TMEM50A: variants seen among roughly 807,000 people sequenced by gnomAD.
TMEM50A encodes cervical cancer oncogene 9.
In TMEM50A, 8 loss-of-function variants were observed where a neutral mutation model predicts 23.9. That is an observed-to-expected ratio of 0.33 (90% CI 0.20 to 0.60). The LOEUF (loss-of-function observed/expected upper bound fraction) is 0.60, where lower values mean the gene tolerates loss of function less well. Ranked by LOEUF, TMEM50A falls within the 20% of genes least tolerant of loss-of-function variation. The pLI is 0.81. For synonymous variants in TMEM50A, 55 were observed against 60.4 expected, an observed-to-expected ratio of 0.91 and a Z score of 0.41; for missense variants, 178 against 192.7, an observed-to-expected ratio of 0.92 and a Z score of 0.45.
At chr1:25,349,953 G>A (rs1042027438) in intron 3 of TMEM50A, among the ~76,000 whole-genome samples, 1 of 152,296 alleles carries the variant, frequency 6.6e-6, no homozygotes, top group African/African-American at 2.4e-5. Context: ...TATTGTGAAC[G>A]TTTTCCCATG....
At chr1:25,345,835 T>C (rs776439792) in intron 3 of TMEM50A, among the ~76,000 whole-genome samples, 1 of 151,870 alleles carries the variant, frequency 6.6e-6, no homozygotes. Flanking sequence ...TCGCCCAGGC[T>C]GGAGTGCAAT....
intron 4 of TMEM50A, 89 bp downstream of exon 4, chr1:25,351,782 T>A: frequency 8.6e-7 from 1 of 1,168,272 alleles, no homozygotes; most frequent in Non-Finnish European, 1.2e-6. Flanking sequence ...CTATTTGTTT[T>A]AATATATCTG....
intron 6 of TMEM50A, among the ~76,000 whole-genome samples, chr1:25,358,745 T>C (rs1645362495): frequency 6.6e-6 from 1 of 152,210 alleles, no homozygotes; most frequent in African/African-American, 2.4e-5. Context: ...ACTCTTCCGA[T>C]TAGAGTTCAT....
At chr1:25,339,562 TG>T in intron 1 of TMEM50A, among the ~76,000 whole-genome samples, 1 of 152,346 alleles carries the variant, frequency 6.6e-6, no homozygotes, top group South Asian at 2.1e-4. Context: ...TTTAATTTCT[TG>T]ATTTAGGTGT....
At chr1:25,340,760 T>A (rs1186139299) in intron 2 of TMEM50A, among the ~76,000 whole-genome samples, 181 bp downstream of exon 2, 1 of 152,240 alleles carries the variant, frequency 6.6e-6, no homozygotes, top group Non-Finnish European at 1.5e-5. Flanking sequence ...TGGTTTAAAA[T>A]TTGATTAACA....
rs966231952 is a variant in TMEM50A at position 25,360,886 on chromosome 1, A to G, written c.*181A>G. ...ACAACAACCAAAAATCTATTGTGGT[A>G]TGCACTTGATTAACTTATAAAATGT... On this transcript the variant is annotated 3_prime_UTR_variant, in exon 7 of 7. Coordinates refer to ENST00000374358, the MANE Select transcript of TMEM50A (RefSeq NM_014313.4). 1.4e-5 allele frequency: 7 copies of G among 496,124 alleles called. No homozygotes were observed. Among genetic ancestry groups the G allele is most frequent in the Non-Finnish European group, 2.4e-5 (7 of 285,788 alleles). The allele number at this position is 496,124 out of a possible 1,614,324, so 30.7% of individuals were successfully genotyped here.
chr1:25,343,082 C>T lies in TMEM50A; in HGVS notation c.206+9C>T. The T allele has an allele frequency of 6.3e-7, 1 of 1,591,468 alleles. No individual in the cohort carries two copies. Among genetic ancestry groups the T allele is most frequent in the Non-Finnish European group, 8.6e-7 (1 of 1,166,954 alleles). Reference sequence around the variant, plus strand: ...ACCATAGCCTTCCTAATGTAAGTGTCATCGTAATTGGCATTACTTACATAG... The same window carrying T: ...ACCATAGCCTTCCTAATGTAAGTGTTATCGTAATTGGCATTACTTACATAG... On this transcript the variant is annotated intron_variant, in intron 3 of 6. Coordinates refer to ENST00000374358, the MANE Select transcript of TMEM50A (RefSeq NM_014313.4).
chr1:25,351,013 A>T (rs911520283), intron 3 of TMEM50A, among the ~76,000 whole-genome samples: 8 of 151,898 alleles, frequency 5.3e-5, no homozygotes, highest in Non-Finnish European at 1.2e-4. Context: ...TACAAAAAAA[A>T]TTAGCCGGGC....
intron 3 of TMEM50A, among the ~76,000 whole-genome samples, chr1:25,346,307 G>A (rs1225439496): frequency 6.6e-6 from 1 of 151,282 alleles, no homozygotes; most frequent in Admixed American, 6.6e-5. Flanking sequence ...GTAAGAACAA[G>A]GTTTGAGGGA....
At chr1:25,351,510 T>TA in intron 3 of TMEM50A, 116 bp from the exon 4 acceptor site, 1 of 669,524 alleles carries the variant, frequency 1.5e-6, no homozygotes. Flanking sequence ...CCCTGTATCT[T>TA]TAAAAAAAAA....
In TMEM50A at chr1:25,345,849, A is replaced by G. The variant is rs538640266; in HGVS notation, c.206+2776A>G. ...GTCGCCCAGGCTGGAGTGCAATGGCATGATCTCTGCTCACTGCAACCTCCA... is the reference window on the plus strand; with the variant it reads ...GTCGCCCAGGCTGGAGTGCAATGGCGTGATCTCTGCTCACTGCAACCTCCA... On this transcript the variant is annotated intron_variant, in intron 3 of 6. Coordinates refer to ENST00000374358, the MANE Select transcript of TMEM50A (RefSeq NM_014313.4). Among the ~76,000 whole-genome samples the G allele has an allele frequency of 1.2e-4, 18 of 150,682 alleles. No individual in the cohort carries two copies. The South Asian group carries it at 3.6e-3, about 30-fold the overall frequency.
intron 1 of TMEM50A, among the ~76,000 whole-genome samples, chr1:25,339,358 G>T (rs1409880659): frequency 6.6e-6 from 1 of 152,160 alleles, no homozygotes. Flanking sequence ...TTGGATTTTT[G>T]TAATCTGAAT....
In TMEM50A at chr1:25,351,120, G is replaced by A. The variant is rs372019201; in HGVS notation, c.207-506G>A. On this transcript the variant is annotated intron_variant, in intron 3 of 6. Coordinates refer to ENST00000374358, the MANE Select transcript of TMEM50A (RefSeq NM_014313.4). ...GCAGAGGTTGCAGTGAGCCGAGATC[G>A]TGCCACTACACTATAGCCTGGGAGA... Among the ~76,000 whole-genome samples the A allele has an allele frequency of 6.0e-5, 9 of 150,148 alleles. No homozygotes were observed. In the South Asian group the frequency reaches 6.3e-4, roughly 11 times the overall value.
chr1:25,351,489 A>G, intron 3 of TMEM50A, 137 bp from the exon 4 acceptor site: 1 of 612,496 alleles, frequency 1.6e-6, no homozygotes, highest in South Asian at 2.5e-5. Flanking sequence ...AGCTTGAGCA[A>G]CAGAGTGAGA....
At chr1:25,348,270 AAG>A (rs2124247341) in intron 3 of TMEM50A, among the ~76,000 whole-genome samples, 1 of 152,350 alleles carries the variant, frequency 6.6e-6, no homozygotes, top group African/African-American at 2.4e-5. Context: ...AGGAGTCAAA[AAG>A]CAGCTATTCT....
rs569840206 is a variant in TMEM50A at position 25,339,685 on chromosome 1, G to T, written c.-13-789G>T. Among the ~76,000 whole-genome samples, 34 of 152,250 alleles carry T rather than the reference G, an allele frequency of 2.2e-4. No homozygotes were observed. The South Asian group carries it at 5.4e-3, about 24-fold the overall frequency. ...ATCACTTGTCTCTCTACTAATGTTA[G>T]TGCTCCTGGACTGTAAATATCAAAT... On this transcript the variant is annotated intron_variant, in intron 1 of 6. Coordinates refer to ENST00000374358, the MANE Select transcript of TMEM50A (RefSeq NM_014313.4).
intron 5 of TMEM50A, among the ~76,000 whole-genome samples, chr1:25,354,921 G>A (rs963790971): frequency 6.6e-6 from 1 of 151,926 alleles, no homozygotes; most frequent in Non-Finnish European, 1.5e-5. Context: ...ACAGGCGCCT[G>A]CCGCCATGTC....
At chr1:25,338,687 G>C (rs961143170) in intron 1 of TMEM50A, 2 of 152,190 alleles carry the variant, frequency 1.3e-5, no homozygotes, top group African/African-American at 4.8e-5. Flanking sequence ...AGGGGACCGC[G>C]CCCTCCCCCG....
At chr1:25,351,480 G>C in intron 3 of TMEM50A, 146 bp from the exon 4 acceptor site, 1 of 574,764 alleles carries the variant, frequency 1.7e-6, no homozygotes, top group Non-Finnish European at 2.8e-6. Context: ...CTGCATTCTA[G>C]CTTGAGCAAC....
Sources: allele counts gnomAD v4.1 joint callset (sites outside exome capture counted in the v4.1 genomes callset), GRCh38; gene constraint gnomAD v4.1.1; transcripts MANE v1.5; gene names NCBI Gene and HGNC (gene_info 2026-07-23, HGNC 2026-07-21).